CARMIL1: variants seen among roughly 807,000 people sequenced by gnomAD.
CARMIL1 encodes the protein capping protein regulator and myosin 1 linker 1.
A neutral mutation model predicts 177.1 loss-of-function variants in CARMIL1; 90 were observed. The observed-to-expected ratio is 0.51, with a 90% CI of 0.43 to 0.61. The LOEUF (loss-of-function observed/expected upper bound fraction) is 0.61, where lower values mean the gene tolerates loss of function less well. CARMIL1 is among the 20% of genes least tolerant of loss of function. The pLI is 0.00. For missense variants in CARMIL1, 1,380 were observed against 1,667.0 expected (o/e 0.83, Z 3.00); for synonymous variants, 577 against 606.2 (o/e 0.95, Z 0.71).
intron 8 of CARMIL1, among the ~76,000 whole-genome samples, chr6:25,459,355 C>T (rs1158622828): frequency 6.7e-6 from 1 of 148,276 alleles, no homozygotes; most frequent in East Asian, 2.0e-4. Context: ...TTCTCAGTAG[C>T]TGGGACTACA....
chr6:25,295,306 G>A (rs976109633), intron 2 of CARMIL1, among the ~76,000 whole-genome samples: 2 of 152,078 alleles, frequency 1.3e-5, no homozygotes, highest in South Asian at 2.1e-4. Flanking sequence ...AAGCTTTCTA[G>A]GGCAGTAGAA....
chr6:25,292,082 A>G (rs770939704), intron 2 of CARMIL1, among the ~76,000 whole-genome samples: 10 of 152,356 alleles, frequency 6.6e-5, no homozygotes, highest in Middle Eastern at 6.8e-3. Flanking sequence ...AGACAAATTC[A>G]TATAAAATGT....
chr6:25,518,030 T>C (rs1370016297), intron 22 of CARMIL1, among the ~76,000 whole-genome samples: 1 of 152,200 alleles, frequency 6.6e-6, no homozygotes, highest in Non-Finnish European at 1.5e-5. Flanking sequence ...GATCCTCATA[T>C]TGTATTATAA....
At chr6:25,472,282 T>C (rs1038003795) in intron 10 of CARMIL1, 145 bp from the exon 11 acceptor site, 5 of 585,742 alleles carry the variant, frequency 8.5e-6, no homozygotes, top group African/African-American at 1.9e-5. Flanking sequence ...GAGGTGTTAA[T>C]GGGTATTAAG....
intron 5 of CARMIL1, among the ~76,000 whole-genome samples, chr6:25,449,322 TAACCA>T (rs1453834333): frequency 6.6e-6 from 1 of 152,248 alleles, no homozygotes; most frequent in Admixed American, 6.5e-5. Flanking sequence ...GCTGTACTTT[TAACCA>T]CTACTCTGTC....
intron 5 of CARMIL1, among the ~76,000 whole-genome samples, chr6:25,448,201 C>T (rs746422388): frequency 1.6e-4 from 25 of 152,120 alleles, no homozygotes; most frequent in Admixed American, 5.2e-4. Flanking sequence ...GTTCACAGTG[C>T]CCATCTAATC....
chr6:25,349,875 C>T (rs1464050356), intron 2 of CARMIL1, among the ~76,000 whole-genome samples: 1 of 152,054 alleles, frequency 6.6e-6, no homozygotes, highest in African/African-American at 2.4e-5. Context: ...ATTACAGGCA[C>T]ATGCCACCAC....
chr6:25,381,773 T>A (rs1490612425), intron 2 of CARMIL1, among the ~76,000 whole-genome samples: 1 of 152,088 alleles, frequency 6.6e-6, no homozygotes, highest in Non-Finnish European at 1.5e-5. Context: ...AACTTAGAGG[T>A]TTTATGGCGT....
chr6:25,407,217 T>C (rs1794456261), intron 2 of CARMIL1, among the ~76,000 whole-genome samples: 1 of 152,106 alleles, frequency 6.6e-6, no homozygotes, highest in Non-Finnish European at 1.5e-5. Flanking sequence ...TTTTGAGAAG[T>C]TGGGCTCAAA....
chr6:25,604,856 T>C lies in CARMIL1; in HGVS notation c.3597T>C (p.Ala1199=). 6.3e-7 allele frequency: 1 copy of C among 1,599,294 alleles called. No individual in the cohort carries two copies. Among genetic ancestry groups the C allele is most frequent in the East Asian group, 2.2e-5 (1 of 44,452 alleles). ...TATCCCAGGATTCTTCCAGCCCAGC[T>C]TTGAGCGGCGTAGAACGGTCGGATG... The part of the protein sequence containing the change: ...DAVSQDSSSP[A]LSGVERSDGG... The change falls in exon 34 of 37, where the codon GCT becomes GCC. Residue 1199 remains alanine, a synonymous_variant. Transcript: ENST00000329474.
At chr6:25,383,503 G>A (rs1791812387) in intron 2 of CARMIL1, 1 of 152,016 alleles carries the variant, frequency 6.6e-6, no homozygotes, top group African/African-American at 2.4e-5. Context: ...TTAGTATTTT[G>A]GTATTTTCCC....
intron 35 of CARMIL1, 60 bp from the exon 36 acceptor site, chr6:25,609,990 T>TTTATGTTCTTGGACTCCC (rs1437456010): frequency 2.0e-6 from 3 of 1,513,082 alleles, no homozygotes; most frequent in Non-Finnish European, 2.7e-6. Context: ...TTTACCAGGC[T>TTTATGTTCTTGGACTCCC]TTATGTTCTT....
At chr6:25,320,050 A>G (rs1029760961) in intron 2 of CARMIL1, among the ~76,000 whole-genome samples, 3 of 152,234 alleles carry the variant, frequency 2.0e-5, no homozygotes, top group Non-Finnish European at 2.9e-5. Context: ...AACATGGTCA[A>G]TCTTGCTTAA....
chr6:25,384,549 CT>C (rs575805588), intron 2 of CARMIL1, among the ~76,000 whole-genome samples: 360 of 152,384 alleles, frequency 2.4e-3, no homozygotes, highest in African/African-American at 8.1e-3. Context: ...GTCCCCTCCC[CT>C]GGTCCACTCA....
At chr6:25,552,474 A>G (rs953643574) in intron 27 of CARMIL1, among the ~76,000 whole-genome samples, 1 of 152,166 alleles carries the variant, frequency 6.6e-6, no homozygotes, top group African/African-American at 2.4e-5. Flanking sequence ...TTGGCTTTTT[A>G]TAATGCATTA....
At chr6:25,348,411 C>T (rs112029317) in intron 2 of CARMIL1, among the ~76,000 whole-genome samples, 8,968 of 151,640 alleles carry the variant, frequency 0.059, 592 homozygotes, top group African/African-American at 0.16. Flanking sequence ...GGATTACAGG[C>T]GTGAGCCACT....
At chr6:25,613,808 CT>C (rs751804935) in intron 36 of CARMIL1, among the ~76,000 whole-genome samples, 20 of 152,240 alleles carry the variant, frequency 1.3e-4, no homozygotes, top group East Asian at 9.7e-4. Flanking sequence ...TCTTTTCTTC[CT>C]GTTAAACCAT....
At position 25,390,313 on chromosome 6, in the gene CARMIL1, TATA is replaced by T. The variant is rs1316883637; in HGVS notation, c.139-29800_139-29798del. On this transcript the variant is annotated intron_variant, in intron 2 of 36. Transcript: ENST00000329474. ...ATTTACATATATATATATATATATA[TATA>T]TATATTTTTTTTTTTTTTTTTTTGA... Among the ~76,000 whole-genome samples the T allele has an allele frequency of 1.8e-3, 83 of 45,068 alleles. 1 individual carries two copies. Among genetic ancestry groups the T allele is most frequent in the Admixed American group, 5.3e-3 (19 of 3,568 alleles). 29.6% of individuals were successfully genotyped at this position (45,068 alleles called of 152,430 possible). A position where few individuals can be genotyped will look rare whatever the true frequency, so the allele number is the denominator to read the frequency against.
chr6:25,398,806 C>G (rs1380362352), intron 2 of CARMIL1, among the ~76,000 whole-genome samples: 2 of 152,148 alleles, frequency 1.3e-5, no homozygotes, highest in African/African-American at 2.4e-5. Context: ...TGATGAGAAG[C>G]ATTAGCAAGG....
Sources: gnomAD v4.1 joint callset for allele counts (sites outside exome capture counted in the v4.1 genomes callset) on GRCh38, gnomAD v4.1.1 for gene constraint, MANE v1.5 for transcripts, NCBI Gene and HGNC (gene_info 2026-07-23, HGNC 2026-07-21) for gene names.